The following AUTS2 variants were observed in gnomAD, a reference collection of about 807,000 sequenced individuals.
The protein encoded by AUTS2 is autism susceptibility gene 2 protein.
In AUTS2, 17 loss-of-function variants were observed where a neutral mutation model predicts 112.4. That is an observed-to-expected ratio of 0.15 (90% CI 0.10 to 0.23). The LOEUF (loss-of-function observed/expected upper bound fraction) is 0.23. Ranked by LOEUF, AUTS2 falls within the 10% of genes least tolerant of loss-of-function variation. The pLI is 1.00. For missense variants in AUTS2, 1,510 were observed against 1,701.6 expected (o/e 0.89, Z 1.98); for synonymous variants, 751 against 702.7 (o/e 1.07, Z -1.09).
At chr7:70,750,008 T>C (rs1788700210) in intron 6 of AUTS2, among the ~76,000 whole-genome samples, 1 of 152,170 alleles carries the variant, frequency 6.6e-6, no homozygotes, top group Admixed American at 6.5e-5. Flanking sequence ...CTGGTGGAAA[T>C]TAATCACCCT....
chr7:70,512,120 T>C (rs933413232), intron 5 of AUTS2, among the ~76,000 whole-genome samples: 3 of 152,206 alleles, frequency 2.0e-5, no homozygotes, highest in African/African-American at 7.2e-5. Context: ...CAGCTGTGAA[T>C]ATGGGTCCCC....
chr7:70,685,913 C>T (rs1038335286), intron 5 of AUTS2, among the ~76,000 whole-genome samples: 4 of 152,148 alleles, frequency 2.6e-5, no homozygotes, highest in African/African-American at 9.7e-5. Flanking sequence ...TTCCCACCCT[C>T]CCAGAAGCTG....
intron 1 of AUTS2, among the ~76,000 whole-genome samples, chr7:69,879,432 G>A (rs953101212): frequency 6.6e-6 from 1 of 151,792 alleles, no homozygotes; most frequent in Non-Finnish European, 1.5e-5. Flanking sequence ...TTGCAGGCGC[G>A]AGCCACTGTG....
At chr7:70,629,989 G>T (rs539714333) in intron 5 of AUTS2, among the ~76,000 whole-genome samples, 1 of 152,232 alleles carries the variant, frequency 6.6e-6, no homozygotes, top group African/African-American at 2.4e-5. Context: ...TTACTGAAAT[G>T]TAGGAATAGA....
intron 4 of AUTS2, among the ~76,000 whole-genome samples, chr7:70,172,559 G>A (rs966797589): frequency 1.3e-5 from 2 of 152,230 alleles, no homozygotes; most frequent in Middle Eastern, 3.4e-3. Flanking sequence ...TTCTAGAGAT[G>A]CAGATAGATT....
chr7:70,696,674 AACAC>A (rs35577599), intron 5 of AUTS2, among the ~76,000 whole-genome samples: 33 of 150,154 alleles, frequency 2.2e-4, no homozygotes, highest in African/African-American at 4.4e-4. Context: ...TTTTCACTCG[AACAC>A]ACACACACAC....
At chr7:70,389,066 C>G (rs995604318) in intron 4 of AUTS2, among the ~76,000 whole-genome samples, 5 of 152,176 alleles carry the variant, frequency 3.3e-5, no homozygotes, top group Admixed American at 6.5e-5. Flanking sequence ...TATAGGTTAA[C>G]CAAGCTCCCT....
At chr7:69,978,852 A>G (rs1798164519) in intron 2 of AUTS2, among the ~76,000 whole-genome samples, 1 of 130,296 alleles carries the variant, frequency 7.7e-6, no homozygotes, top group Non-Finnish European at 1.6e-5. Flanking sequence ...GTCTGTCTCA[A>G]AGAAACAACA....
chr7:70,539,712 A>G (rs1346957442), intron 5 of AUTS2, among the ~76,000 whole-genome samples: 3 of 152,192 alleles, frequency 2.0e-5, no homozygotes, highest in Non-Finnish European at 4.4e-5. Flanking sequence ...TACACTGCGA[A>G]TCGCGAGGCT....
chr7:70,203,518 A>G (rs1269326423), intron 4 of AUTS2, among the ~76,000 whole-genome samples: 1 of 149,712 alleles, frequency 6.7e-6, no homozygotes, highest in East Asian at 1.9e-4. Flanking sequence ...CATTAAAATA[A>G]TTCATAATTA....
intron 4 of AUTS2, among the ~76,000 whole-genome samples, chr7:70,323,338 G>T (rs1214724860): frequency 3.3e-5 from 5 of 152,328 alleles, no homozygotes; most frequent in Admixed American, 1.3e-4. Flanking sequence ...TATCTATTGG[G>T]TGTCTGTTCT....
intron 1 of AUTS2, among the ~76,000 whole-genome samples, chr7:69,665,746 CAG>C (rs1236444758): frequency 6.6e-6 from 1 of 152,106 alleles, no homozygotes; most frequent in East Asian, 1.9e-4. Flanking sequence ...AGTTAATAAT[CAG>C]AGTATAATAA....
chr7:69,799,935 A>T (rs898750995), intron 1 of AUTS2, among the ~76,000 whole-genome samples: 2 of 152,144 alleles, frequency 1.3e-5, no homozygotes, highest in Non-Finnish European at 2.9e-5. Context: ...CCTATAAATG[A>T]CATTATTTTT....
At chr7:69,943,339 T>C (rs1008934371) in intron 2 of AUTS2, among the ~76,000 whole-genome samples, 17 of 152,332 alleles carry the variant, frequency 1.1e-4, no homozygotes, top group African/African-American at 4.1e-4. Context: ...TTAGAGTATG[T>C]CTTCATTCTG....
Position 70,511,435 on chromosome 7 carries a change from A to T in AUTS2, c.690+75654A>T, listed in dbSNP as rs560229913. Among the ~76,000 whole-genome samples, 17 of 152,052 alleles carry T rather than the reference A, an allele frequency of 1.1e-4. No homozygotes were observed. In the East Asian group the frequency reaches 3.3e-3, roughly 29 times the overall value. ...TCAAATTTGAAGAGATCATAATAAA[A>T]CAACCTCCTAAATCTAGGTAATCAC... On this transcript the variant is annotated intron_variant, in intron 5 of 18. Transcript: ENST00000342771.
At chr7:69,672,945 C>T (rs1447688186) in intron 1 of AUTS2, among the ~76,000 whole-genome samples, 3 of 152,148 alleles carry the variant, frequency 2.0e-5, no homozygotes, top group African/African-American at 4.8e-5. Context: ...CTGCCAATAA[C>T]TCATTTTGTA....
chr7:70,161,459 C>T (rs539927527), intron 4 of AUTS2, among the ~76,000 whole-genome samples: 5 of 151,480 alleles, frequency 3.3e-5, no homozygotes, highest in South Asian at 2.1e-4. Context: ...TTTTTTAAGT[C>T]GCTTTTGGAG....
At chr7:70,485,100 AC>A (rs997575431) in intron 5 of AUTS2, among the ~76,000 whole-genome samples, 9 of 152,230 alleles carry the variant, frequency 5.9e-5, no homozygotes, top group African/African-American at 2.2e-4. Context: ...TAAAAGTAGA[AC>A]TACCATTCAA....
intron 5 of AUTS2, among the ~76,000 whole-genome samples, chr7:70,511,561 CT>C (rs3974587): frequency 0.023 from 1,588 of 69,712 alleles, 2 homozygotes; most frequent in African/African-American, 0.031. Context: ...TTTTCATTTT[CT>C]TTTTTTTTTT....
Sources: allele counts gnomAD v4.1 joint callset (sites outside exome capture counted in the v4.1 genomes callset), GRCh38; gene constraint gnomAD v4.1.1; transcripts MANE v1.5; gene names NCBI Gene and HGNC (gene_info 2026-07-23, HGNC 2026-07-21).